Variants in SH3TC1 observed in about 807,000 individuals in gnomAD.
SH3TC1 encodes SH3 domain and tetratricopeptide repeats 1, also known as SH3 domain and tetratricopeptide repeat-containing protein 1.
SH3TC1 carries 135 observed loss-of-function variants against 117.3 expected under a neutral mutation model. The ratio of observed to expected loss-of-function variants is 1.15; its 90% confidence interval spans 1.00 to 1.33. SH3TC1 has a LOEUF of 1.33. Among genes scored for constraint, SH3TC1 ranks in the 40% most tolerant of loss-of-function variants. The probability of loss-of-function intolerance (pLI) is 0.00; values close to 1 mark genes in which losing one functional copy is unlikely to be tolerated. For synonymous variants in SH3TC1, 898 were observed against 816.9 expected (o/e 1.10, Z -1.69); for missense variants, 2,092 against 1,794.3 (o/e 1.17, Z -3.00).
chr4:8,228,070 G>A lies in SH3TC1; in HGVS notation c.2376G>A (p.Leu792=), dbSNP rs140596051. The change falls in exon 12 of 18, where the codon TTG becomes TTA. Residue 792 remains leucine, a synonymous_variant. Transcript: ENST00000245105. ...TGCGCGGCCCCCTCTACACCAGCTT[G>A]GCCCAGCTGTACAGCCACCATGGCT... ...QALRGPLYTS[L]AQLYSHHGCH... The A allele has an allele frequency of 3.1e-6, 5 of 1,606,006 alleles. No homozygotes were observed. The African/African-American group carries it at 5.3e-5, about 17-fold the overall frequency.
rs1012144481 is a variant in SH3TC1, at chr4:8,183,181, C to T, written c.-57+971C>T. 1.3e-5 allele frequency among the ~76,000 whole-genome samples: 2 copies of T among 152,210 alleles called. No homozygotes were observed. Among genetic ancestry groups the T allele is most frequent in the African/African-American group, 4.8e-5 (2 of 41,446 alleles). ...GGGCTATAGAATGGTCTGGAGCCCT[C>T]TGTGGCAGCAGCAGCCCCAGGCGAG... On this transcript the variant is annotated intron_variant, in intron 1 of 16. Coordinates refer to the SH3TC1 transcript ENST00000508641. This position sits in a 1 kb window ranked among gnomAD's most constrained non-coding sequence, Gnocchi z 5.4.
chr4:8,215,783 C>T (rs934361137), intron 5 of SH3TC1, among the ~76,000 whole-genome samples: 7 of 152,236 alleles, frequency 4.6e-5, no homozygotes, highest in Non-Finnish European at 1.5e-5. Flanking sequence ...TTGCTGCTGG[C>T]CCATACCCCC....
rs183096259 is a variant in SH3TC1 at position 8,192,614 on chromosome 4, C to A, written c.-57+10404C>A. On this transcript the variant is annotated intron_variant, in intron 1 of 16. Coordinates refer to the SH3TC1 transcript ENST00000508641. This position sits in a 1 kb window ranked among gnomAD's most constrained non-coding sequence, Gnocchi z 4.1. ...GTTCAAGCAATTCTCCCGCCTCAGC[C>A]TCCTGAGTAGCTGGGATCACAGGCG... Among the ~76,000 whole-genome samples, 98 of 152,224 alleles carry A rather than the reference C, an allele frequency of 6.4e-4. No homozygotes were observed. The highest frequency in any genetic ancestry group is 2.3e-3 in the African/African-American group (96 of 41,540).
Position 8,227,297 on chromosome 4 carries a change from G to A in SH3TC1, c.1603G>A (p.Asp535Asn), listed in dbSNP as rs774779667. The stretch of plus-strand genomic sequence containing the variant: ...GAGCAGCGTGTTCCGCAGCTTCAGC[G>A]ACGAGGAGGAGCTGACTGGGCGCCT... ...WLSSVFRSFS[D>N]EEELTGRLAQ... is the part of the protein sequence containing the mutation. Residue 535 changes from aspartate (D) to asparagine (N), a missense_variant, in exon 12 of 18, where the codon GAC becomes AAC. Physicochemically the swap from Asp to Asn is conservative, Grantham distance 23. Coordinates refer to ENST00000245105, the MANE Select transcript of SH3TC1 (RefSeq NM_018986.5). The A allele has an allele frequency of 2.9e-5, 46 of 1,609,470 alleles. No individual in the cohort carries two copies. Among genetic ancestry groups the A allele is most frequent in the Non-Finnish European group, 3.6e-5 (42 of 1,178,628 alleles).
In SH3TC1 at chr4:8,237,820, G is replaced by A. The variant is rs561491799; in HGVS notation, c.3753+150G>A. 7 of 870,526 alleles carry A rather than the reference G, an allele frequency of 8.0e-6. No homozygotes were observed. The South Asian group carries it at 8.4e-5, about 10-fold the overall frequency. The allele number at this position is 870,526 out of a possible 1,614,324, so 53.9% of individuals were successfully genotyped here. A position where few individuals can be genotyped will look rare whatever the true frequency, so the allele number is the denominator to read the frequency against. On this transcript the variant is annotated intron_variant, in intron 17 of 17. Transcript: ENST00000245105. The stretch of plus-strand genomic sequence containing the variant: ...GCGCCCGGCTGGAGGAGCTGGCAAG[G>A]TTAGCAGACACAACCCAGCTCCCGA...
chr4:8,222,013 CA>C (rs1338920018), intron 9 of SH3TC1, among the ~76,000 whole-genome samples: 4 of 152,110 alleles, frequency 2.6e-5, no homozygotes, highest in Admixed American at 6.5e-5. Context: ...GTCCTATAAG[CA>C]AAAATTGCCT....
In SH3TC1 at chr4:8,192,844, G is replaced by A. The variant is rs1226464374; in HGVS notation, c.-57+10634G>A. Among the ~76,000 whole-genome samples the A allele has an allele frequency of 6.6e-6, 1 of 152,086 alleles. No homozygotes were observed. Among genetic ancestry groups the A allele is most frequent in the Non-Finnish European group, 1.5e-5 (1 of 68,030 alleles). ...TCTGCTCCGAGTTTAGGTTCATGTC[G>A]CCACCTGGTGATTGGCTTCTCTGTG... On this transcript the variant is annotated intron_variant, in intron 1 of 16. Coordinates refer to the SH3TC1 transcript ENST00000508641. This position sits in a 1 kb window ranked among gnomAD's most constrained non-coding sequence, Gnocchi z 4.1.
chr4:8,208,787 C>A (rs1042278210), intron 2 of SH3TC1, among the ~76,000 whole-genome samples: 1 of 152,200 alleles, frequency 6.6e-6, no homozygotes, highest in Non-Finnish European at 1.5e-5. Context: ...TCAGCAAATG[C>A]GGGTGTGAAG....
At chr4:8,208,677 A>C (rs1718406276) in intron 2 of SH3TC1, among the ~76,000 whole-genome samples, 1 of 152,186 alleles carries the variant, frequency 6.6e-6, no homozygotes, top group Non-Finnish European at 1.5e-5. Flanking sequence ...CTGAGCCCCC[A>C]CTGCATGCCT....
In SH3TC1 at chr4:8,193,165, T is replaced by C. The variant is rs112942075; in HGVS notation, c.-57+10955T>C. Reference sequence around the variant, plus strand: ...TCCCCCGGCCCTACCCAGAGCACGTTTGCCTCCCCTCTTCTAGAACGACCT... The same window carrying C: ...TCCCCCGGCCCTACCCAGAGCACGTCTGCCTCCCCTCTTCTAGAACGACCT... On this transcript the variant is annotated intron_variant, in intron 1 of 16. Transcript: ENST00000508641. 6.9e-3 allele frequency among the ~76,000 whole-genome samples: 1,048 copies of C among 152,346 alleles called. 14 individuals are homozygous for C. Among genetic ancestry groups the C allele is most frequent in the African/African-American group, 0.024 (993 of 41,590 alleles).
intron 13 of SH3TC1, chr4:8,233,131 G>A (rs892249067): frequency 6.8e-5 from 92 of 1,362,096 alleles, no homozygotes; most frequent in Non-Finnish European, 7.7e-5. Flanking sequence ...CGCTCCCCCA[G>A]CCACAGGGCA....
chr4:8,194,669 G>A (rs1341193857), upstream of SH3TC1, among the ~76,000 whole-genome samples: 1 of 152,230 alleles, frequency 6.6e-6, no homozygotes, highest in East Asian at 1.9e-4. Flanking sequence ...CCCTGGCGAT[G>A]GGTCACCTTG....
rs199498104 is a variant in SH3TC1, at chr4:8,227,419, G to A, written c.1725G>A (p.Lys575=). The A allele has an allele frequency of 6.7e-5, 104 of 1,551,654 alleles. 1 individual carries two copies. In the African/African-American group the frequency reaches 9.5e-4, roughly 14 times the overall value. Residue 575 remains lysine, a synonymous_variant, in exon 12 of 18, where the codon AAG becomes AAA. Coordinates refer to ENST00000245105, the MANE Select transcript of SH3TC1 (RefSeq NM_018986.5). ...LLGRLCSRRL[K]LSQARVYFEE... is the part of the protein sequence containing the mutation. ...GGCGGCTGTGCAGCAGGAGGCTCAA[G>A]CTGTCCCAGGCCCGGGTGTACTTTG...
intron 16 of SH3TC1, chr4:8,237,172 C>T (rs1012160155): frequency 5.2e-5 from 18 of 347,908 alleles, no homozygotes; most frequent in Admixed American, 1.5e-4. Flanking sequence ...TGCCCAGGAG[C>T]GCGTGGGCTG....
intron 10 of SH3TC1, among the ~76,000 whole-genome samples, chr4:8,224,837 C>G (rs1720309026): frequency 6.6e-6 from 1 of 152,160 alleles, no homozygotes; most frequent in African/African-American, 2.4e-5. Context: ...GAGGATGTCC[C>G]CAGAAGACGG....
chr4:8,209,621 G>T lies in SH3TC1; in HGVS notation c.173-127G>T. On this transcript the variant is annotated intron_variant, in intron 2 of 17. Transcript: ENST00000245105. The surrounding 1 kb of genome is among the most constrained non-coding windows in gnomAD (Gnocchi z 5.9). ...GGAGACTGGAGGAAGGCAGCTGTGG[G>T]AAAGGCGGCTCGTGCGGGACAGAAC... is the stretch of plus-strand genomic sequence containing the variant. 1 of 1,540,228 alleles carries T rather than the reference G, an allele frequency of 6.5e-7. No homozygotes were observed. Among genetic ancestry groups the T allele is most frequent in the Non-Finnish European group, 8.7e-7 (1 of 1,146,458 alleles).
rs1722253537 is a variant in SH3TC1, at chr4:8,240,726, A to AGCTGGC, written c.3789_3794dup (p.Leu1264_Ala1265dup). ...CCGTTTGATGCAGCCGGGTACTACC[A>AGCTGGC]GCTGGCGCTGGCAGCCGCCGTGGAC... is the stretch of plus-strand genomic sequence containing the variant. On this transcript the variant is annotated inframe_insertion, in exon 18 of 18. Coordinates refer to ENST00000245105, the MANE Select transcript of SH3TC1 (RefSeq NM_018986.5). The AGCTGGC allele has an allele frequency of 6.2e-7, 1 of 1,613,844 alleles. No homozygotes were observed. Among genetic ancestry groups the AGCTGGC allele is most frequent in the Non-Finnish European group, 8.5e-7 (1 of 1,180,042 alleles).
chr4:8,188,019 T>A (rs1717284338), intron 1 of SH3TC1, among the ~76,000 whole-genome samples: 1 of 152,236 alleles, frequency 6.6e-6, no homozygotes, highest in Non-Finnish European at 1.5e-5. Context: ...TATTGGTCGG[T>A]TGATGGATCA....
At chr4:8,237,889 G>A (rs1169977591) in intron 17 of SH3TC1, among the ~76,000 whole-genome samples, 2 of 152,180 alleles carry the variant, frequency 1.3e-5, no homozygotes, top group African/African-American at 4.8e-5. Flanking sequence ...AGCCAGGGAG[G>A]CTGATACATG....
Sources: gnomAD v4.1 joint callset for allele counts (sites outside exome capture counted in the v4.1 genomes callset) on GRCh38, gnomAD v4.1.1 for gene constraint, Gnocchi (gnomAD v3.1) non-coding constraint, MANE v1.5 for transcripts, NCBI Gene and HGNC (gene_info 2026-07-23, HGNC 2026-07-21) for gene names.